The following OR2Z1 variants were observed in gnomAD, a reference collection of about 807,000 sequenced individuals.
OR2Z1 encodes olfactory receptor family 2 subfamily Z member 1, also known as olfactory receptor 2Z1.
For synonymous variants in OR2Z1, 188 were observed against 160.6 expected (o/e 1.17, Z -1.29); for missense variants, 449 against 401.8 (o/e 1.12, Z -1.00).
In OR2Z1 at chr19:8,731,663, C is replaced by G. The variant is rs782209607; in HGVS notation, c.635C>G (p.Ser212Cys). 1.9e-6 allele frequency: 3 copies of G among 1,614,158 alleles called. No homozygotes were observed. In the Admixed American group the frequency reaches 5.0e-5, roughly 27 times the overall value. Residue 212 changes from serine to cysteine, a missense_variant, in exon 3 of 3, where the codon TCC becomes TGC. Coordinates refer to ENST00000641125, the MANE Select transcript of OR2Z1 (RefSeq NM_001004699.3). Reference protein sequence around the residue: ...SGVLILMLPLSLIATSYGHVL... With the variant: ...SGVLILMLPLCLIATSYGHVL... ...GTGCTGATCCTAATGCTCCCTCTTTCCCTCATCGCCACCTCCTACGGCCAC... is the reference window on the plus strand; with the variant it reads ...GTGCTGATCCTAATGCTCCCTCTTTGCCTCATCGCCACCTCCTACGGCCAC...
At chr19:8,726,576 G>A (rs1227227540) in intron 2 of OR2Z1, among the ~76,000 whole-genome samples, 9 of 152,338 alleles carry the variant, frequency 5.9e-5, no homozygotes, top group East Asian at 1.9e-4. Context: ...AAGGTCTTGT[G>A]CATTTATCTT....
At chr19:8,724,056 G>A (rs1231350315) in intron 2 of OR2Z1, among the ~76,000 whole-genome samples, 3 of 151,648 alleles carry the variant, frequency 2.0e-5, no homozygotes, top group African/African-American at 7.3e-5. Flanking sequence ...ATCTATTACA[G>A]TGTTTGGAGA....
chr19:8,728,808 T>C, intron 2 of OR2Z1: 5 of 635,234 alleles, frequency 7.9e-6, no homozygotes, highest in South Asian at 6.8e-5. Flanking sequence ...TGCCTTCTTC[T>C]CTTCATCAGG....
At position 8,731,091 on chromosome 19, in the gene OR2Z1, A is replaced by T; in HGVS notation, c.63A>T (p.Ser21=). The change falls in exon 3 of 3, where the codon TCA becomes TCT. Residue 21 remains serine, a synonymous_variant. Coordinates refer to ENST00000641125, the MANE Select transcript of OR2Z1 (RefSeq NM_001004699.3). ...TTCTGGTGGGCCTCTTCAGTCACTCAGGATCACGCCAGCTCCTCTTCTCCC... is the reference window on the plus strand; with the variant it reads ...TTCTGGTGGGCCTCTTCAGTCACTCTGGATCACGCCAGCTCCTCTTCTCCC... The part of the protein sequence containing the change: ...DFILVGLFSH[S]GSRQLLFSLV... The T allele has an allele frequency of 6.2e-7, 1 of 1,614,154 alleles. No individual in the cohort carries two copies. The highest frequency in any genetic ancestry group is 8.5e-7 in the Non-Finnish European group (1 of 1,180,028).
chr19:8,731,343 A>T lies in OR2Z1; in HGVS notation c.315A>T (p.Thr105=). 6.2e-7 allele frequency: 1 copy of T among 1,613,774 alleles called. No homozygotes were observed. The highest frequency in any genetic ancestry group is 8.5e-7 in the Non-Finnish European group (1 of 1,179,910). The change falls in exon 3 of 3, where the codon ACA becomes ACT. Residue 105 remains threonine (T), a synonymous_variant. Transcript: ENST00000641125. ...GGGAAQIFFL[T]LMGVAEGVLL... The stretch of plus-strand genomic sequence containing the variant: ...GTGCAGCTCAAATATTCTTCCTCAC[A>T]CTGATGGGTGTGGCTGAGGGCGTCC...
intron 2 of OR2Z1, among the ~76,000 whole-genome samples, chr19:8,724,062 G>A (rs984914418): frequency 4.0e-5 from 6 of 151,052 alleles, no homozygotes; most frequent in African/African-American, 1.5e-4. Flanking sequence ...TACAGTGTTT[G>A]GAGATGTGTG....
chr19:8,726,761 G>A (rs78107091), intron 2 of OR2Z1, among the ~76,000 whole-genome samples: 2,835 of 152,222 alleles, frequency 0.019, 86 homozygotes, highest in African/African-American at 0.065. Context: ...TCAGGATGGC[G>A]TATAACTAAA....
At chr19:8,730,675 C>T (rs1555756618) in intron 2 of OR2Z1, among the ~76,000 whole-genome samples, 185 bp from the exon 3 acceptor site, 2 of 152,140 alleles carry the variant, frequency 1.3e-5, no homozygotes, top group African/African-American at 4.8e-5. Context: ...GTCTCGGCCT[C>T]CCAAAGTGCT....
Position 8,732,049 on chromosome 19 carries a change from A to G in OR2Z1, c.*76A>G. On this transcript the variant is annotated 3_prime_UTR_variant, in exon 3 of 3. Transcript: ENST00000641125. ...TTCCCAAAGTATGCATTTGGCATTC[A>G]ATTGCCAATTTGTGCAACTGGCCAA... 2 of 1,175,976 alleles carry G rather than the reference A, an allele frequency of 1.7e-6. No individual in the cohort carries two copies. The highest frequency in any genetic ancestry group is 2.4e-6 in the Non-Finnish European group (2 of 823,884). The allele number at this position is 1,175,976 out of a possible 1,614,324, so 72.8% of individuals were successfully genotyped here.
intron 2 of OR2Z1, among the ~76,000 whole-genome samples, chr19:8,725,290 C>T (rs192967921): frequency 3.9e-5 from 6 of 152,078 alleles, no homozygotes; most frequent in Non-Finnish European, 4.4e-5. Context: ...TTGTCCAGGC[C>T]GGAATACAGT....
rs369156315 is a variant in OR2Z1, at chr19:8,728,342, G to A, written c.-169-2518G>A. Among the ~76,000 whole-genome samples, 122 of 152,246 alleles carry A rather than the reference G, an allele frequency of 8.0e-4. 1 individual carries two copies. The South Asian group carries it at 0.025, about 31-fold the overall frequency. ...CTCATTCACTCAGGCAATACTTAGG[G>A]ACATAAAATCTTCTAGAGCTAGTGT... On this transcript the variant is annotated intron_variant, in intron 2 of 2. Transcript: ENST00000641125.
At chr19:8,728,741 G>A (rs2043338063) in intron 2 of OR2Z1, 1 of 590,000 alleles carries the variant, frequency 1.7e-6, no homozygotes, top group Admixed American at 1.9e-5. Context: ...CAGTTTAGAT[G>A]ATCCCAATTT....
intron 1 of OR2Z1, among the ~76,000 whole-genome samples, chr19:8,722,524 CACA>C (rs1439389493): frequency 1.3e-5 from 2 of 152,100 alleles, no homozygotes; most frequent in African/African-American, 4.8e-5. Context: ...CAGGTAAAAC[CACA>C]ACTTTAAAAC....
intron 2 of OR2Z1, among the ~76,000 whole-genome samples, chr19:8,724,006 G>GTGTGTGTGTGTT (rs1228567527): frequency 3.3e-5 from 4 of 120,524 alleles, no homozygotes; most frequent in African/African-American, 2.1e-4. Context: ...GTGTGTGTGT[G>GTGTGTGTGTGTT]TGTGTATGTG....
chr19:8,731,013 G>A lies in OR2Z1; in HGVS notation c.-16G>A, dbSNP rs567450091. ...TTCAGCTGTTCTTCCTGCAGCTAAA[G>A]TGCATTGTGTAAAACATGGGGGATG... On this transcript the variant is annotated 5_prime_UTR_variant, in exon 3 of 3. The change creates a new upstream start codon in the 5' untranslated region. Transcript: ENST00000641125. The A allele has an allele frequency of 1.7e-4, 271 of 1,606,714 alleles. 2 individuals are homozygous for A. In the South Asian group the frequency reaches 2.8e-3, roughly 17 times the overall value.
chr19:8,729,092 T>C (rs2043339763), intron 2 of OR2Z1: 2 of 1,237,246 alleles, frequency 1.6e-6, no homozygotes, highest in African/African-American at 3.0e-5. Flanking sequence ...TGTGGGATCT[T>C]TTTTTTAGTG....
chr19:8,725,671 A>G (rs543815734), intron 2 of OR2Z1, among the ~76,000 whole-genome samples: 175 of 152,352 alleles, frequency 1.1e-3, no homozygotes, highest in African/African-American at 4.0e-3. Context: ...CCTCATTAAC[A>G]TCCACCTTCC....
rs534762592 is a variant in OR2Z1, at chr19:8,724,498, C to T, written c.-170+1348C>T. On this transcript the variant is annotated intron_variant, in intron 2 of 2. Coordinates refer to ENST00000641125, the MANE Select transcript of OR2Z1 (RefSeq NM_001004699.3). ...CCAGCCTCCCAAAGTGCTGAGATTACAGATGTGAAACACCACACCCAGCCT... is the reference window on the plus strand; with the variant it reads ...CCAGCCTCCCAAAGTGCTGAGATTATAGATGTGAAACACCACACCCAGCCT... Among the ~76,000 whole-genome samples, 7 of 152,252 alleles carry T rather than the reference C, an allele frequency of 4.6e-5. No homozygotes were observed. The East Asian group carries it at 1.4e-3, about 29-fold the overall frequency.
intron 2 of OR2Z1, among the ~76,000 whole-genome samples, chr19:8,727,056 C>T (rs1391369075): frequency 6.6e-6 from 1 of 152,142 alleles, no homozygotes; most frequent in South Asian, 2.1e-4. Context: ...ATCCTCTTGC[C>T]TCAGTCTCCC....
Sources: allele counts gnomAD v4.1 joint callset (sites outside exome capture counted in the v4.1 genomes callset), GRCh38; gene constraint gnomAD v4.1.1; transcripts MANE v1.5; gene names NCBI Gene and HGNC (gene_info 2026-07-23, HGNC 2026-07-21).